The following PDE6C variants were observed in gnomAD, a reference collection of about 807,000 sequenced individuals.
PDE6C encodes cone cGMP-specific 3',5'-cyclic phosphodiesterase subunit alpha'.
A neutral mutation model predicts 113.1 loss-of-function variants in PDE6C; 75 were observed. The observed-to-expected ratio is 0.66, with a 90% CI of 0.55 to 0.80. The LOEUF (loss-of-function observed/expected upper bound fraction) is 0.80, where lower values mean the gene tolerates loss of function less well. Ranked by LOEUF, PDE6C falls within the 30% of genes least tolerant of loss-of-function variation. The pLI, the probability that PDE6C is intolerant of heterozygous loss-of-function variation, is 0.00. For synonymous variants in PDE6C, 375 were observed against 363.7 expected (o/e 1.03, Z -0.35); for missense variants, 912 against 1,038.6 (o/e 0.88, Z 1.67).
At chr10:93,616,751 T>G (rs1164126039) in intron 1 of PDE6C, among the ~76,000 whole-genome samples, 2 of 151,456 alleles carry the variant, frequency 1.3e-5, no homozygotes, top group East Asian at 1.9e-4. Flanking sequence ...CCTCCCAAGT[T>G]AGAGCCATTC....
chr10:93,634,166 G>A (rs918457013), intron 8 of PDE6C, among the ~76,000 whole-genome samples: 3 of 152,066 alleles, frequency 2.0e-5, no homozygotes, highest in Non-Finnish European at 2.9e-5. Flanking sequence ...GGGATTACAG[G>A]TGCCCACCAT....
chr10:93,614,540 T>G (rs2058410952), intron 1 of PDE6C, among the ~76,000 whole-genome samples: 1 of 152,192 alleles, frequency 6.6e-6, no homozygotes. Flanking sequence ...TGTCTGCACA[T>G]CCTGAGGTTT....
At chr10:93,617,683 A>G (rs1356009493) in intron 1 of PDE6C, among the ~76,000 whole-genome samples, 2 of 152,162 alleles carry the variant, frequency 1.3e-5, no homozygotes, top group Non-Finnish European at 2.9e-5. Flanking sequence ...CTGAGGCAGG[A>G]GAATCACTTG....
At chr10:93,616,255 A>G (rs1211068080) in intron 1 of PDE6C, among the ~76,000 whole-genome samples, 7 of 152,098 alleles carry the variant, frequency 4.6e-5, no homozygotes, top group East Asian at 1.9e-4. Context: ...ACCACACACA[A>G]CTTTCCTCTG....
chr10:93,613,338 A>T, intron 1 of PDE6C, 133 bp downstream of exon 1: 1 of 1,279,784 alleles, frequency 7.8e-7, no homozygotes, highest in South Asian at 1.3e-5. Flanking sequence ...AGGGAAGAGG[A>T]TCACCCAGGC....
chr10:93,621,064 T>G, intron 3 of PDE6C, 84 bp downstream of exon 3: 5 of 1,114,464 alleles, frequency 4.5e-6, no homozygotes, highest in Non-Finnish European at 6.9e-6. Flanking sequence ...ACCCCTCCTA[T>G]TCCTCCTGGG....
Position 93,627,091 on chromosome 10 carries a change from C to T in PDE6C, c.1071+220C>T, listed in dbSNP as rs183051573. 5.7e-4 allele frequency among the ~76,000 whole-genome samples: 86 copies of T among 151,662 alleles called. 1 individual carries two copies. Among genetic ancestry groups the T allele is most frequent in the East Asian group, 1.6e-3 (8 of 5,142 alleles). On this transcript the variant is annotated intron_variant, in intron 7 of 21. Coordinates refer to ENST00000371447, the MANE Select transcript of PDE6C (RefSeq NM_006204.4). Reference sequence around the variant, plus strand: ...CAGCCTGACCAACATGGTGAAACCCCGTCTCTACTAAAAATACAAAATTAG... The same window carrying T: ...CAGCCTGACCAACATGGTGAAACCCTGTCTCTACTAAAAATACAAAATTAG...
intron 7 of PDE6C, 102 bp from the exon 8 acceptor site, chr10:93,629,156 G>C: frequency 1.3e-5 from 13 of 970,922 alleles, no homozygotes; most frequent in Non-Finnish European, 1.2e-5. Flanking sequence ...GAGCCGTGTA[G>C]AAAATCCTCA....
At chr10:93,616,835 G>A (rs1589691962) in intron 1 of PDE6C, among the ~76,000 whole-genome samples, 1 of 152,182 alleles carries the variant, frequency 6.6e-6, no homozygotes, top group East Asian at 1.9e-4. Context: ...TGTATTTTTA[G>A]TAGAGACAGG....
At chr10:93,663,649 T>C (rs1280098731) in intron 21 of PDE6C, among the ~76,000 whole-genome samples, 1 of 151,210 alleles carries the variant, frequency 6.6e-6, no homozygotes, top group Non-Finnish European at 1.5e-5. Context: ...AAGCCCTACA[T>C]GTAGAGTAAG....
Position 93,622,010 on chromosome 10 carries a change from G to T in PDE6C, c.802G>T (p.Val268Phe). 2 of 1,613,900 alleles carry T rather than the reference G, an allele frequency of 1.2e-6. No homozygotes were observed. The highest frequency in any genetic ancestry group is 1.7e-6 in the Non-Finnish European group (2 of 1,179,842). ...ACAGTTTCACAAAGCGCTCTACACGGTTAGATCATATCTGAACTGTGAACG... is the reference window on the plus strand; with the variant it reads ...ACAGTTTCACAAAGCGCTCTACACGTTTAGATCATATCTGAACTGTGAACG... ...ERQFHKALYT[V>F]RSYLNCERYS... is the part of the protein sequence containing the mutation. Residue 268 changes from valine (V) to phenylalanine (F), a missense_variant, in exon 4 of 22, where the codon GTT (valine) becomes TTT (phenylalanine). Coordinates refer to ENST00000371447, the MANE Select transcript of PDE6C (RefSeq NM_006204.4).
At chr10:93,620,435 T>C (rs2058439818) in intron 1 of PDE6C, among the ~76,000 whole-genome samples, 197 bp from the exon 2 acceptor site, 1 of 152,152 alleles carries the variant, frequency 6.6e-6, no homozygotes, top group Non-Finnish European at 1.5e-5. Context: ...GCAGCGCTTA[T>C]TCTGAAATGG....
At chr10:93,626,729 C>T in intron 6 of PDE6C, 25 bp downstream of exon 6, 1 of 1,599,770 alleles carries the variant, frequency 6.3e-7, no homozygotes, top group Non-Finnish European at 8.6e-7. Context: ...GAAGTTGCTG[C>T]CGCAGTTGCC....
rs1227043444 is a variant in PDE6C at position 93,625,614 on chromosome 10, G to A, written c.904G>A (p.Glu302Lys). Reference protein sequence around the residue: ...DEWPIKLGEVEPYKGPKTPDG... With the variant: ...DEWPIKLGEVKPYKGPKTPDG... Reference sequence around the variant, plus strand: ...ATGGCCAATCAAGCTTGGAGAAGTAGAGCCTTATAAAGGTCCAAAGACACC... The same window carrying A: ...ATGGCCAATCAAGCTTGGAGAAGTAAAGCCTTATAAAGGTCCAAAGACACC... Residue 302 changes from glutamate (E) to lysine (K), a missense_variant, in exon 5 of 22, where the codon GAG becomes AAG. Glu to Lys is a moderately conservative substitution (Grantham distance 56). Coordinates refer to ENST00000371447, the MANE Select transcript of PDE6C (RefSeq NM_006204.4). 1.9e-6 allele frequency: 3 copies of A among 1,613,734 alleles called. No individual in the cohort carries two copies. Among genetic ancestry groups the A allele is most frequent in the Non-Finnish European group, 2.5e-6 (3 of 1,179,736 alleles).
chr10:93,632,655 T>G (rs940821944), intron 8 of PDE6C, among the ~76,000 whole-genome samples: 1 of 152,242 alleles, frequency 6.6e-6, no homozygotes, highest in Non-Finnish European at 1.5e-5. Context: ...ACGCATGTGA[T>G]ATATTCTCTA....
chr10:93,650,762 C>T (rs1269966591), intron 15 of PDE6C, among the ~76,000 whole-genome samples: 2 of 152,270 alleles, frequency 1.3e-5, no homozygotes, highest in East Asian at 3.9e-4. Flanking sequence ...AAAGTTGTAG[C>T]TGAGCATTTA....
chr10:93,613,327 C>T lies in PDE6C; in HGVS notation c.480+122C>T, dbSNP rs374227870. On this transcript the variant is annotated intron_variant, in intron 1 of 21. Transcript: ENST00000371447. ...GCAATAACCGGGGGAATGTGGGTGG[C>T]AGGGAAGAGGATCACCCAGGCCTAG... is the stretch of plus-strand genomic sequence containing the variant. 4.4e-6 allele frequency: 6 copies of T among 1,368,896 alleles called. No individual in the cohort carries two copies. The East Asian group carries it at 1.5e-4, about 34-fold the overall frequency. The allele number at this position is 1,368,896 out of a possible 1,614,324, so 84.8% of individuals were successfully genotyped here. A position where few individuals can be genotyped will look rare whatever the true frequency, so the allele number is the denominator to read the frequency against.
intron 4 of PDE6C, among the ~76,000 whole-genome samples, chr10:93,625,019 T>C (rs1312112650): frequency 6.6e-6 from 1 of 152,160 alleles, no homozygotes; most frequent in Non-Finnish European, 1.5e-5. Flanking sequence ...AGCAGACTTC[T>C]CCCCCTTCTT....
chr10:93,638,214 T>C (rs746168256), intron 11 of PDE6C, among the ~76,000 whole-genome samples: 3 of 151,938 alleles, frequency 2.0e-5, no homozygotes, highest in Non-Finnish European at 2.9e-5. Flanking sequence ...GCATTCTTTC[T>C]AAACTAAGAC....
Sources: gnomAD v4.1 joint callset for allele counts (sites outside exome capture counted in the v4.1 genomes callset) on GRCh38, gnomAD v4.1.1 for gene constraint, MANE v1.5 for transcripts, NCBI Gene and HGNC (gene_info 2026-07-23, HGNC 2026-07-21) for gene names.